The following TGFBI variants were observed in gnomAD, a reference collection of about 807,000 sequenced individuals.
TGFBI encodes transforming growth factor beta induced.
TGFBI carries 50 observed loss-of-function variants against 73.7 expected under a neutral mutation model. The observed-to-expected ratio is 0.68, with a 90% CI of 0.54 to 0.86. The LOEUF (loss-of-function observed/expected upper bound fraction) is 0.86. Ranked by LOEUF, TGFBI falls within the 40% of genes least tolerant of loss-of-function variation. The pLI is 0.00. For missense variants in TGFBI, 839 were observed against 877.0 expected, an observed-to-expected ratio of 0.96 and a Z score of 0.55; for synonymous variants, 362 against 360.5, an observed-to-expected ratio of 1.00 and a Z score of -0.05.
chr5:136,041,910 A>G (rs1417300871), intron 2 of TGFBI, among the ~76,000 whole-genome samples: 1 of 152,218 alleles, frequency 6.6e-6, no homozygotes, highest in Non-Finnish European at 1.5e-5. Flanking sequence ...GAAGCCAACA[A>G]TATAGAAAAA....
rs775713146 is a variant in TGFBI, at chr5:136,049,449, C to G, written c.782C>G (p.Ala261Gly). ...CTCTCCTCCCCACAGGCTGCTGTGGCTGCATCAGGGCTCAACACGATGCTT... is the reference window on the plus strand; with the variant it reads ...CTCTCCTCCCCACAGGCTGCTGTGGGTGCATCAGGGCTCAACACGATGCTT... ...DTFETLRAAV[A>G]ASGLNTMLEG... Residue 261 changes from alanine to glycine, a missense_variant, in exon 7 of 17, where the codon GCT (alanine) becomes GGT (glycine). Physicochemically the swap from Ala to Gly is moderately conservative, Grantham distance 60. Transcript: ENST00000442011. The G allele has an allele frequency of 2.2e-5, 36 of 1,613,940 alleles. No homozygotes were observed. Among genetic ancestry groups the G allele is most frequent in the Non-Finnish European group, 3.1e-5 (36 of 1,179,802 alleles).
chr5:136,036,249 A>T (rs1290935621), intron 2 of TGFBI, among the ~76,000 whole-genome samples: 1 of 152,136 alleles, frequency 6.6e-6, no homozygotes, highest in Non-Finnish European at 1.5e-5. Flanking sequence ...TTCAGAGTGG[A>T]CTCAGGCAAA....
At chr5:136,057,258 A>G (rs982221937) in intron 12 of TGFBI, among the ~76,000 whole-genome samples, 1 of 152,228 alleles carries the variant, frequency 6.6e-6, no homozygotes, top group Non-Finnish European at 1.5e-5. Flanking sequence ...AGAGAGGAGT[A>G]GAAAAGAATT....
chr5:136,046,654 A>G lies in TGFBI; in HGVS notation c.459+159A>G. 20 of 1,229,792 alleles carry G rather than the reference A, an allele frequency of 1.6e-5. No individual in the cohort carries two copies. In the South Asian group the frequency reaches 2.9e-4, roughly 18 times the overall value. The allele number at this position is 1,229,792 out of a possible 1,614,324, so 76.2% of individuals were successfully genotyped here. On this transcript the variant is annotated intron_variant, in intron 4 of 16. Transcript: ENST00000442011. ...AAGGCTGTGGAACTTGAGCTAAAAT[A>G]TGTCTTACCAGGTTGCGTCTAATGC...
chr5:136,046,518 G>A (rs755476995), intron 4 of TGFBI, 23 bp downstream of exon 4: 11 of 1,583,196 alleles, frequency 6.9e-6, no homozygotes, highest in African/African-American at 5.4e-5. Flanking sequence ...CCGTCTGCCC[G>A]GGGGACTCTT....
At chr5:136,046,246 G>A in intron 3 of TGFBI, 89 bp from the exon 4 acceptor site, 1 of 1,510,938 alleles carries the variant, frequency 6.6e-7, no homozygotes, top group Non-Finnish European at 9.1e-7. Flanking sequence ...TCCACCTGTA[G>A]ATGTACCGTG....
chr5:136,043,467 G>A (rs151237081), intron 2 of TGFBI, among the ~76,000 whole-genome samples: 1 of 152,296 alleles, frequency 6.6e-6, no homozygotes, highest in East Asian at 1.9e-4. Context: ...AAATTTGATT[G>A]TGAAGACAGA....
chr5:136,059,892 C>T (rs150377212), intron 13 of TGFBI, among the ~76,000 whole-genome samples: 18 of 152,056 alleles, frequency 1.2e-4, no homozygotes, highest in Admixed American at 4.6e-4. Context: ...GAGGTAGGCA[C>T]GGGGATGACT....
rs145873615 is a variant in TGFBI at position 136,054,705 on chromosome 5, C to T, written c.1265-11C>T. On this transcript the variant is annotated splice_polypyrimidine_tract_variant and intron_variant, in intron 9 of 16. Coordinates refer to ENST00000442011, the MANE Select transcript of TGFBI (RefSeq NM_000358.3). ...CATCTCTCTGGACCTAACCATCACC[C>T]TTTCTTGTAGATGGAACCCCTCCAA... The T allele has an allele frequency of 9.6e-4, 1,547 of 1,613,978 alleles. 10 individuals are homozygous for T. In the African/African-American group the frequency reaches 0.016, roughly 16 times the overall value.
Position 136,029,014 on chromosome 5 carries a change from C to A in TGFBI, c.-42C>A. 1.3e-6 allele frequency: 2 copies of A among 1,510,352 alleles called. No homozygotes were observed. Among genetic ancestry groups the A allele is most frequent in the South Asian group, 2.5e-5 (2 of 81,546 alleles). The allele number at this position is 1,510,352 out of a possible 1,614,324, so 93.6% of individuals were successfully genotyped here. On this transcript the variant is annotated 5_prime_UTR_variant, in exon 1 of 17. Transcript: ENST00000442011. ...TCACTTCCCTGGAGCCGCCCGCTTG[C>A]CCGTCGGTCGCTAGCTCGCTCGGTG...
rs780759366 is a variant in TGFBI at position 136,046,401 on chromosome 5, C to A, written c.365C>A (p.Thr122Lys). The A allele has an allele frequency of 6.2e-7, 1 of 1,613,924 alleles. No homozygotes were observed. The highest frequency in any genetic ancestry group is 1.1e-5 in the South Asian group (1 of 91,074). Reference protein sequence around the residue: ...VVGSTTTQLYTDRTEKLRPEM... With the variant: ...VVGSTTTQLYKDRTEKLRPEM... ...GGATCCACCACCACTCAGCTGTACA[C>A]GGACCGCACGGAGAAGCTGAGGCCT... The change falls in exon 4 of 17, where the codon ACG becomes AAG. Residue 122 changes from threonine (T) to lysine (K), a missense_variant. Physicochemically the swap from Thr to Lys is moderately conservative, Grantham distance 78 (BLOSUM62 -1). Transcript: ENST00000442011.
In TGFBI at chr5:136,061,516, AAG is replaced by A. The variant is rs1751747039; in HGVS notation, c.1926_1927del (p.Asp644Ter). On this transcript the variant is annotated frameshift_variant, in exon 15 of 17. Coordinates refer to ENST00000442011, the MANE Select transcript of TGFBI (RefSeq NM_000358.3). LOFTEE classifies it high-confidence loss of function. The stretch of plus-strand genomic sequence containing the variant: ...CCTCTTCAGCCAACAGACCTCAGGA[AAG>A]AGGGGATGAACTTGCAGACTCTGCG... ...LQPPANRPQE[R>X]GDELADSALE... 1 of 1,608,790 alleles carries A rather than the reference AAG, an allele frequency of 6.2e-7. No homozygotes were observed. The highest frequency in any genetic ancestry group is 1.3e-5 in the African/African-American group (1 of 74,886).
intron 16 of TGFBI, among the ~76,000 whole-genome samples, 200 bp downstream of exon 16, chr5:136,062,887 TAA>T (rs1751775853): frequency 6.6e-6 from 1 of 152,318 alleles, no homozygotes; most frequent in Admixed American, 6.5e-5. Context: ...ATGAGGATAA[TAA>T]GAGTAACAAC....
At chr5:136,047,533 TAGA>T in intron 6 of TGFBI, 113 bp downstream of exon 6, 1 of 1,319,350 alleles carries the variant, frequency 7.6e-7, no homozygotes, top group Non-Finnish European at 1.1e-6. Context: ...TAGGGGAACA[TAGA>T]GCAGGTTCCC....
chr5:136,031,814 T>A (rs906925522), intron 1 of TGFBI, among the ~76,000 whole-genome samples: 1 of 152,122 alleles, frequency 6.6e-6, no homozygotes, highest in Non-Finnish European at 1.5e-5. Flanking sequence ...AGCATGAACT[T>A]CCTATGTACA....
intron 7 of TGFBI, among the ~76,000 whole-genome samples, chr5:136,050,013 TATGG>T (rs1751506405): frequency 6.6e-6 from 1 of 152,150 alleles, no homozygotes; most frequent in Non-Finnish European, 1.5e-5. Context: ...CTAGGGGATT[TATGG>T]ATAAACCAAA....
chr5:136,050,493 T>C (rs1252748587), intron 7 of TGFBI, among the ~76,000 whole-genome samples: 11 of 152,174 alleles, frequency 7.2e-5, no homozygotes, highest in Admixed American at 7.2e-4. Context: ...GTTTTCCTTT[T>C]GGAGATGAGA....
intron 11 of TGFBI, chr5:136,056,388 A>C: frequency 2.5e-6 from 1 of 397,194 alleles, no homozygotes; most frequent in Non-Finnish European, 4.6e-6. Flanking sequence ...GGTCAGCCAT[A>C]CCTCTGCCCT....
At position 136,063,307 on chromosome 5, in the gene TGFBI, T is replaced by C. The variant is rs1561617102; in HGVS notation, c.*81T>C. ...ATTTCCACAGAGACTGTTTGAATGTTTTCAAAACCAAGTATCACACTTTAA... is the reference window on the plus strand; with the variant it reads ...ATTTCCACAGAGACTGTTTGAATGTCTTCAAAACCAAGTATCACACTTTAA... On this transcript the variant is annotated 3_prime_UTR_variant, in exon 17 of 17. Transcript: ENST00000442011. The C allele has an allele frequency of 1.5e-6, 2 of 1,324,556 alleles. No individual in the cohort carries two copies. Among genetic ancestry groups the C allele is most frequent in the South Asian group, 2.5e-5 (2 of 81,610 alleles). The allele number at this position is 1,324,556 out of a possible 1,614,324, so 82.1% of individuals were successfully genotyped here.
Sources: allele counts gnomAD v4.1 joint callset (sites outside exome capture counted in the v4.1 genomes callset), GRCh38; gene constraint gnomAD v4.1.1; transcripts MANE v1.5; gene names NCBI Gene and HGNC (gene_info 2026-07-23, HGNC 2026-07-21).